Variants in DCAF6 observed in about 807,000 individuals in gnomAD.
The protein encoded by DCAF6 is DDB1- and CUL4-associated factor 6.
A neutral mutation model predicts 125.1 loss-of-function variants in DCAF6; 54 were observed. The observed-to-expected ratio is 0.43, with a 90% CI of 0.35 to 0.54. The LOEUF (loss-of-function observed/expected upper bound fraction) is 0.54, where lower values mean the gene tolerates loss of function less well. Ranked by LOEUF, DCAF6 falls within the 20% of genes least tolerant of loss-of-function variation. The probability of loss-of-function intolerance (pLI) is 0.01; values close to 1 mark genes in which losing one functional copy is unlikely to be tolerated. For synonymous variants in DCAF6, 371 were observed against 390.4 expected, an observed-to-expected ratio of 0.95 and a Z score of 0.58; for missense variants, 934 against 1,161.7, an observed-to-expected ratio of 0.80 and a Z score of 2.85.
chr1:167,902,015 C>T, the DCAF6 span: 3 of 1,613,548 alleles, frequency 1.9e-6, no homozygotes, highest in East Asian at 6.7e-5. Context: ...AGCCCCCATA[C>T]CTGCAAATTT....
chr1:167,931,882 G>T (rs1165504021), upstream of DCAF6, among the ~76,000 whole-genome samples: 1 of 151,966 alleles, frequency 6.6e-6, no homozygotes, highest in Admixed American at 6.6e-5. Flanking sequence ...TATCCTCTAG[G>T]TCTTTAAAAT....
the DCAF6 span, among the ~76,000 whole-genome samples, chr1:167,864,467 A>G: frequency 6.6e-6 from 1 of 152,302 alleles, no homozygotes; most frequent in East Asian, 1.9e-4. Flanking sequence ...CTGTAAGCCA[A>G]GGCACACAGA....
At chr1:168,073,967 G>C (rs61809575) in intron 21 of DCAF6, among the ~76,000 whole-genome samples, 92,560 of 142,668 alleles carry the variant, frequency 0.65, 29,764 homozygotes, top group Middle Eastern at 0.75. Context: ...AATATGTATT[G>C]AATACATATT....
chr1:168,027,380 AT>A (rs1686476988), intron 12 of DCAF6, among the ~76,000 whole-genome samples: 1 of 152,120 alleles, frequency 6.6e-6, no homozygotes, highest in Non-Finnish European at 1.5e-5. Context: ...ATATGCTATT[AT>A]TTCAAAATTT....
At chr1:167,924,629 G>T in the DCAF6 span, 2 of 914,402 alleles carry the variant, frequency 2.2e-6, no homozygotes, top group East Asian at 2.8e-5. Context: ...AAAACCAAAG[G>T]ATTTATCAAC....
chr1:167,899,521 C>T, the DCAF6 span: 2 of 1,614,086 alleles, frequency 1.2e-6, no homozygotes, highest in Non-Finnish European at 1.7e-6. Context: ...TTCATCTGAG[C>T]CATGTTCTGG....
intron 4 of DCAF6, among the ~76,000 whole-genome samples, chr1:167,979,062 ATTC>A (rs2102924504): frequency 6.6e-6 from 1 of 152,278 alleles, no homozygotes; most frequent in East Asian, 1.9e-4. Flanking sequence ...TTATGAAGAT[ATTC>A]TTCTACTTTA....
At chr1:167,942,557 T>A (rs901221427) in intron 1 of DCAF6, among the ~76,000 whole-genome samples, 3 of 152,250 alleles carry the variant, frequency 2.0e-5, no homozygotes, top group African/African-American at 7.2e-5. Context: ...GTCTTTTTCT[T>A]AACAGGTTCT....
upstream of DCAF6, chr1:167,936,019 C>G: frequency 1.6e-6 from 1 of 612,290 alleles, no homozygotes; most frequent in South Asian, 2.0e-5. Context: ...GCGGCCCGCG[C>G]CCCGCGAAGG....
In DCAF6 at chr1:168,065,691, T is replaced by C. The variant is rs1692235131; in HGVS notation, c.2541T>C (p.Leu847=). 10 of 1,613,142 alleles carry C rather than the reference T, an allele frequency of 6.2e-6. No individual in the cohort carries two copies. Among genetic ancestry groups the C allele is most frequent in the Non-Finnish European group, 8.5e-6 (10 of 1,179,398 alleles). ...WDRHTAEHLM[L]LEADNHVVNC... ...GGCACACTGCTGAGCATTTGATGCT[T>C]CTGGAAGCTGATAATCATGTGGTAA... Residue 847 remains leucine, a synonymous_variant, in exon 19 of 22, where the codon CTT becomes CTC. Transcript: ENST00000367840.
chr1:168,044,608 G>T lies in DCAF6; in HGVS notation c.1867G>T (p.Asp623Tyr), dbSNP rs1283715811. 6.2e-7 allele frequency: 1 copy of T among 1,612,860 alleles called. No homozygotes were observed. The highest frequency in any genetic ancestry group is 8.5e-7 in the Non-Finnish European group (1 of 1,178,998). ...AGAAGCTCCTGAAGAATCATCAGAG[G>T]ATGTGACAAAATATCAGGAAGGAGT... ...ETKAPEESSEDVTKYQEGVSA... is the reference protein window; with the variant it reads ...ETKAPEESSEYVTKYQEGVSA... Residue 623 changes from aspartate (D) to tyrosine (Y), a missense_variant, in exon 15 of 22, where the codon GAT (aspartate) becomes TAT (tyrosine). Transcript: ENST00000367840.
At chr1:167,965,936 TC>T (rs1676350216) in intron 2 of DCAF6, among the ~76,000 whole-genome samples, 1 of 152,082 alleles carries the variant, frequency 6.6e-6, no homozygotes, top group African/African-American at 2.4e-5. Context: ...CGCCCGGCCT[TC>T]CCTGGAGTTT....
chr1:167,909,099 C>G, the DCAF6 span, among the ~76,000 whole-genome samples: 1 of 152,152 alleles, frequency 6.6e-6, no homozygotes, highest in Non-Finnish European at 1.5e-5. Context: ...GGTAACCTTT[C>G]TTATTTCTAA....
chr1:167,966,751 A>T (rs1676473572), intron 3 of DCAF6, 30 bp downstream of exon 3: 1 of 1,338,100 alleles, frequency 7.5e-7, no homozygotes, highest in Admixed American at 2.0e-5. Flanking sequence ...CTGTAATTTA[A>T]TGAGAGAAAA....
chr1:168,057,644 A>C (rs1231086459), intron 17 of DCAF6, among the ~76,000 whole-genome samples: 1 of 152,170 alleles, frequency 6.6e-6, no homozygotes, highest in African/African-American at 2.4e-5. Flanking sequence ...ATGATAACAC[A>C]ACGCCTACCC....
At chr1:167,920,926 T>G in the DCAF6 span, among the ~76,000 whole-genome samples, 1 of 152,172 alleles carries the variant, frequency 6.6e-6, no homozygotes, top group Non-Finnish European at 1.5e-5. Flanking sequence ...ATATATATTT[T>G]GGGTTTTTTT....
intron 4 of DCAF6, among the ~76,000 whole-genome samples, chr1:167,976,886 G>GTTTTTTTTTTTTT (rs397981860): frequency 7.9e-5 from 3 of 38,012 alleles, no homozygotes; most frequent in Non-Finnish European, 1.0e-4. Context: ...TCCTTTAGCA[G>GTTTTTTTTTTTTT]TTTTTTTTTT....
At position 168,045,107 on chromosome 1, in the gene DCAF6, C is replaced by T. The variant is rs531586851; in HGVS notation, c.2138C>T (p.Thr713Ile). Residue 713 changes from threonine (T) to isoleucine (I), a missense_variant, in exon 16 of 22, where the codon ACT becomes ATT. Thr to Ile is a moderately conservative substitution (Grantham distance 89). Coordinates refer to ENST00000367840, the MANE Select transcript of DCAF6 (RefSeq NM_001198956.2). ...NPEPQFQTEA[T>I]GPSAHEETST... ...GAGCCTCAGTTCCAAACAGAAGCCA[C>T]TGGGCCTTCAGCTCATGAAGAAACA... is the stretch of plus-strand genomic sequence containing the variant. 3 of 1,614,040 alleles carry T rather than the reference C, an allele frequency of 1.9e-6. No individual in the cohort carries two copies. The highest frequency in any genetic ancestry group is 1.7e-6 in the Non-Finnish European group (2 of 1,179,946).
chr1:167,920,041 A>T, the DCAF6 span: 1 of 1,613,492 alleles, frequency 6.2e-7, no homozygotes, highest in South Asian at 1.1e-5. Flanking sequence ...CAGCAAACAG[A>T]CTCCAATTTT....
Sources: gnomAD v4.1 joint callset for allele counts (sites outside exome capture counted in the v4.1 genomes callset) on GRCh38, gnomAD v4.1.1 for gene constraint, MANE v1.5 for transcripts, NCBI Gene and HGNC (gene_info 2026-07-23, HGNC 2026-07-21) for gene names.